The following SLC44A1 variants were observed in gnomAD, a reference collection of about 807,000 sequenced individuals.
The protein encoded by SLC44A1 is choline transporter-like protein 1.
Under a neutral mutation model 79.3 loss-of-function variants are expected in SLC44A1, and 26 were observed. That is an observed-to-expected ratio of 0.33 (90% CI 0.24 to 0.46). The LOEUF (loss-of-function observed/expected upper bound fraction) is 0.46, where lower values mean the gene tolerates loss of function less well. Among genes scored for constraint, SLC44A1 ranks in the 20% least tolerant of loss-of-function variants. The pLI, the probability that SLC44A1 is intolerant of heterozygous loss-of-function variation, is 1.00. For missense variants in SLC44A1, 688 were observed against 798.1 expected, an observed-to-expected ratio of 0.86 and a Z score of 1.66; for synonymous variants, 263 against 286.2, an observed-to-expected ratio of 0.92 and a Z score of 0.82.
At chr9:105,285,186 T>A (rs903107951) in intron 1 of SLC44A1, among the ~76,000 whole-genome samples, 1 of 152,252 alleles carries the variant, frequency 6.6e-6, no homozygotes, top group East Asian at 1.9e-4. Flanking sequence ...GTGATTTTTT[T>A]AATAGCAAAG....
intron 4 of SLC44A1, among the ~76,000 whole-genome samples, chr9:105,336,042 G>T (rs6479310): frequency 0.049 from 7,497 of 151,804 alleles, 627 homozygotes; most frequent in African/African-American, 0.17. Context: ...CCCAAGTATT[G>T]GTTAAAAGTA....
rs1205168283 is a variant in SLC44A1 at position 105,309,858 on chromosome 9, C to T, written c.261C>T (p.Thr87=). Residue 87 remains threonine (T), a synonymous_variant, in exon 3 of 16, where the codon ACC becomes ACT. Transcript: ENST00000374720. ...TACCAAACAGTGGCATGGACCACAC[C>T]CAGCGGAAGTGAGTAGACTTGCTGA... The part of the protein sequence containing the change: ...EAIPNSGMDH[T]QRKYVFFLDP... The T allele has an allele frequency of 6.2e-7, 1 of 1,612,974 alleles. No individual in the cohort carries two copies. The highest frequency in any genetic ancestry group is 8.5e-7 in the Non-Finnish European group (1 of 1,179,312).
intron 4 of SLC44A1, among the ~76,000 whole-genome samples, chr9:105,341,564 C>G (rs758258276): frequency 6.6e-6 from 1 of 152,102 alleles, no homozygotes; most frequent in Non-Finnish European, 1.5e-5. Context: ...ATACTTCTTG[C>G]AGTTGTGTAT....
intron 1 of SLC44A1, among the ~76,000 whole-genome samples, chr9:105,250,971 G>A (rs1829570937): frequency 6.6e-6 from 1 of 151,996 alleles, no homozygotes; most frequent in South Asian, 2.1e-4. Flanking sequence ...AGTTCCCCTG[G>A]TAGCCCTCGT....
At chr9:105,277,925 T>C (rs1296521865) in intron 1 of SLC44A1, among the ~76,000 whole-genome samples, 1 of 152,222 alleles carries the variant, frequency 6.6e-6, no homozygotes, top group African/African-American at 2.4e-5. Flanking sequence ...CTGGGGCTCA[T>C]GCTTTCTTCT....
In SLC44A1 at chr9:105,390,430, C is replaced by CAAAAAAAAAAAAAAAAAAAA. The variant is rs34048538; in HGVS notation, c.*1376_*1395dup. The CAAAAAAAAAAAAAAAAAAAA allele has an allele frequency of 4.4e-6, 3 of 688,816 alleles. 1 individual carries two copies. The highest frequency in any genetic ancestry group is 1.7e-6 in the Non-Finnish European group (1 of 594,728). The allele number at this position is 688,816 out of a possible 1,614,324, so 42.7% of individuals were successfully genotyped here. A position where few individuals can be genotyped will look rare whatever the true frequency, so the allele number is the denominator to read the frequency against. On this transcript the variant is annotated 3_prime_UTR_variant, in exon 16 of 16. Coordinates refer to ENST00000374720, the MANE Select transcript of SLC44A1 (RefSeq NM_080546.5). Reference sequence around the variant, plus strand: ...TATTGCACTAAATACAGGCTCTGTACAAAAAAAAAAAAAAAAAAAAAGCCT... The same window carrying CAAAAAAAAAAAAAAAAAAAA: ...TATTGCACTAAATACAGGCTCTGTACAAAAAAAAAAAAAAAAAAAAAAAAAAAAAAAAAAAAAAAAAGCCT...
intron 1 of SLC44A1, among the ~76,000 whole-genome samples, chr9:105,245,117 G>A (rs1220181656): frequency 1.3e-5 from 2 of 151,884 alleles, no homozygotes; most frequent in African/African-American, 2.4e-5. Context: ...GCGCCTCTGC[G>A]CGGCGCCTAG....
intron 4 of SLC44A1, among the ~76,000 whole-genome samples, chr9:105,344,087 A>G (rs1408076364): frequency 6.6e-6 from 1 of 152,218 alleles, no homozygotes; most frequent in Non-Finnish European, 1.5e-5. Context: ...TTCATTAGAC[A>G]TCACAAGGCA....
intron 15 of SLC44A1, among the ~76,000 whole-genome samples, chr9:105,412,958 G>A (rs1039896599): frequency 6.6e-6 from 1 of 152,134 alleles, no homozygotes; most frequent in Non-Finnish European, 1.5e-5. Flanking sequence ...ATGAATGAGA[G>A]TGTTTTCAGA....
intron 2 of SLC44A1, among the ~76,000 whole-genome samples, chr9:105,304,977 T>G (rs1287502942): frequency 9.4e-6 from 1 of 106,620 alleles, no homozygotes; most frequent in Non-Finnish European, 1.7e-5. Context: ...TTTTTTTTTT[T>G]TTTTTTTTTC....
intron 15 of SLC44A1, among the ~76,000 whole-genome samples, chr9:105,424,737 G>A (rs891961389): frequency 1.1e-4 from 16 of 151,968 alleles, no homozygotes; most frequent in South Asian, 4.2e-4. Flanking sequence ...ACTTGAGGTC[G>A]GGAGTTCAAG....
chr9:105,331,949 A>G (rs1483839352), intron 3 of SLC44A1, among the ~76,000 whole-genome samples: 2 of 152,128 alleles, frequency 1.3e-5, no homozygotes, highest in Admixed American at 1.3e-4. Flanking sequence ...AAGATCAAAT[A>G]AGTTCTTGAA....
intron 1 of SLC44A1, among the ~76,000 whole-genome samples, chr9:105,284,298 CA>C (rs1830426438): frequency 6.8e-6 from 1 of 148,018 alleles, no homozygotes. Flanking sequence ...ACTCTGAGCT[CA>C]AGCAATCCTC....
At chr9:105,377,791 G>A (rs1308553157) in intron 13 of SLC44A1, among the ~76,000 whole-genome samples, 2 of 151,756 alleles carry the variant, frequency 1.3e-5, no homozygotes, top group Non-Finnish European at 2.9e-5. Context: ...ATATAAAGAT[G>A]ATAAAACACA....
intron 4 of SLC44A1, among the ~76,000 whole-genome samples, chr9:105,343,745 TCAGATA>T (rs112970775): frequency 0.025 from 3,816 of 152,308 alleles, 48 homozygotes; most frequent in Middle Eastern, 0.048. Flanking sequence ...TAAGTATGCA[TCAGATA>T]CAAAGTACAG....
rs762018296 is a variant in SLC44A1, at chr9:105,389,107, A to G, written c.*51A>G. On this transcript the variant is annotated 3_prime_UTR_variant, in exon 16 of 16. Transcript: ENST00000374720. ...ATTGACATTCCAAAACAATATATAC[A>G]CATAACTATGTATTTGTGTGTGTGG... 1 of 1,607,850 alleles carries G rather than the reference A, an allele frequency of 6.2e-7. No individual in the cohort carries two copies. The highest frequency in any genetic ancestry group is 8.5e-7 in the Non-Finnish European group (1 of 1,175,218).
At chr9:105,437,638 T>C (rs1479848715) in intron 15 of SLC44A1, among the ~76,000 whole-genome samples, 1 of 152,226 alleles carries the variant, frequency 6.6e-6, no homozygotes, top group East Asian at 1.9e-4. Context: ...AATCATGTTA[T>C]ACTTCTTATC....
Position 105,384,909 on chromosome 9 carries a change from A to G in SLC44A1, c.1870-513A>G, listed in dbSNP as rs115200594. 4.7e-3 allele frequency among the ~76,000 whole-genome samples: 716 copies of G among 152,334 alleles called. 8 individuals are homozygous for G. Among genetic ancestry groups the G allele is most frequent in the African/African-American group, 0.016 (685 of 41,576 alleles). Reference sequence around the variant, plus strand: ...TGCTTCATGAAGTAATGTCATGGTCAGATTGACACTTTTTTTAAAAAGAGT... The same window carrying G: ...TGCTTCATGAAGTAATGTCATGGTCGGATTGACACTTTTTTTAAAAAGAGT... On this transcript the variant is annotated intron_variant, in intron 14 of 15. Coordinates refer to ENST00000374720, the MANE Select transcript of SLC44A1 (RefSeq NM_080546.5).
intron 1 of SLC44A1, among the ~76,000 whole-genome samples, chr9:105,291,540 G>A (rs1460152174): frequency 1.3e-5 from 2 of 152,186 alleles, no homozygotes; most frequent in East Asian, 3.8e-4. Flanking sequence ...GCTACCTCAG[G>A]AAGTGAAGAC....
Sources: gnomAD v4.1 joint callset for allele counts (sites outside exome capture counted in the v4.1 genomes callset) on GRCh38, gnomAD v4.1.1 for gene constraint, MANE v1.5 for transcripts, NCBI Gene and HGNC (gene_info 2026-07-23, HGNC 2026-07-21) for gene names.